The following SV2C variants were observed in gnomAD, a reference collection of about 807,000 sequenced individuals.
The protein encoded by SV2C is synaptic vesicle glycoprotein 2C, also known as solute carrier family 22 member B3.
Under a neutral mutation model 79.7 loss-of-function variants are expected in SV2C, and 49 were observed. The observed-to-expected ratio is 0.61, with a 90% CI of 0.49 to 0.78. The LOEUF is 0.78. SV2C is among the 30% of genes least tolerant of loss of function. The pLI is 0.00. For synonymous variants in SV2C, 334 were observed against 333.2 expected, an observed-to-expected ratio of 1.00 and a Z score of -0.03; for missense variants, 833 against 912.9, an observed-to-expected ratio of 0.91 and a Z score of 1.13.
the SV2C span, among the ~76,000 whole-genome samples, chr5:75,882,901 G>T: frequency 6.6e-6 from 1 of 151,764 alleles, no homozygotes; most frequent in Non-Finnish European, 1.5e-5. Flanking sequence ...GAGTAAAGAG[G>T]CAACCTACAA....
At chr5:76,191,512 A>G (rs182886665) in intron 2 of SV2C, among the ~76,000 whole-genome samples, 1 of 152,316 alleles carries the variant, frequency 6.6e-6, no homozygotes, top group Admixed American at 6.5e-5. Context: ...ATCATTTCCT[A>G]AAGTTGTTCT....
At chr5:76,110,979 A>AT (rs1283362918) in intron 1 of SV2C, among the ~76,000 whole-genome samples, 1 of 150,698 alleles carries the variant, frequency 6.6e-6, no homozygotes, top group Non-Finnish European at 1.5e-5. Context: ...CATCTCAATT[A>AT]TTTTTTCTAC....
chr5:75,877,169 C>G, the SV2C span, among the ~76,000 whole-genome samples: 1 of 151,892 alleles, frequency 6.6e-6, no homozygotes, highest in African/African-American at 2.4e-5. Flanking sequence ...ACAAAATAGA[C>G]TTTTAAAACC....
intron 4 of SV2C, among the ~76,000 whole-genome samples, chr5:76,269,288 A>G (rs1434801774): frequency 6.6e-6 from 1 of 152,234 alleles, no homozygotes; most frequent in Non-Finnish European, 1.5e-5. Flanking sequence ...TCAGATGTAT[A>G]AAATAAAAAT....
intron 4 of SV2C, chr5:76,280,888 C>G (rs1747165018): frequency 4.2e-6 from 2 of 478,696 alleles, no homozygotes; most frequent in Non-Finnish European, 8.3e-6. Flanking sequence ...CCAAGTTCAG[C>G]CGACAAGTGA....
In SV2C at chr5:76,242,761, G is replaced by A. The variant is rs117881885; in HGVS notation, c.913+32874G>A. On this transcript the variant is annotated intron_variant, in intron 4 of 12. Transcript: ENST00000502798. Reference sequence around the variant, plus strand: ...AGAAAACGAAGATGATGCCAGGTGTGGTAGCTCACGCCTGTAATCTCAGCA... The same window carrying A: ...AGAAAACGAAGATGATGCCAGGTGTAGTAGCTCACGCCTGTAATCTCAGCA... Among the ~76,000 whole-genome samples the A allele has an allele frequency of 2.1e-3, 319 of 152,028 alleles. 13 individuals are homozygous for A. In the East Asian group the frequency reaches 0.061, roughly 29 times the overall value.
the SV2C span, among the ~76,000 whole-genome samples, chr5:76,014,788 AC>A: frequency 6.6e-6 from 1 of 152,208 alleles, no homozygotes; most frequent in Non-Finnish European, 1.5e-5. Context: ...ATAATTATAC[AC>A]ACTCCAAAGT....
the SV2C span, among the ~76,000 whole-genome samples, chr5:75,897,294 T>G: frequency 7.3e-5 from 11 of 151,708 alleles, no homozygotes; most frequent in Admixed American, 3.3e-4. Flanking sequence ...ATGGCTAGCC[T>G]GTTTTCCCAG....
At chr5:76,069,878 C>CACT in the SV2C span, among the ~76,000 whole-genome samples, 3,612 of 151,208 alleles carry the variant, frequency 0.024, 112 homozygotes, top group African/African-American at 0.076. Context: ...ACACACACAC[C>CACT]CTTTCGTGGC....
chr5:76,352,384 T>G (rs1303574836), intron 12 of SV2C, among the ~76,000 whole-genome samples: 2 of 152,232 alleles, frequency 1.3e-5, no homozygotes, highest in Non-Finnish European at 2.9e-5. Flanking sequence ...TCAACACTGT[T>G]GAGAGGTGGG....
intron 4 of SV2C, among the ~76,000 whole-genome samples, chr5:76,263,924 C>T (rs1746562892): frequency 6.6e-6 from 1 of 152,106 alleles, no homozygotes; most frequent in African/African-American, 2.4e-5. Flanking sequence ...GGTTGCTCTT[C>T]TCAGGGAGTA....
chr5:75,915,338 G>C, the SV2C span, among the ~76,000 whole-genome samples: 1 of 152,298 alleles, frequency 6.6e-6, no homozygotes, highest in South Asian at 2.1e-4. Context: ...AGCAATAAAT[G>C]CCAATAAATG....
chr5:76,099,500 C>T (rs989126691), intron 1 of SV2C, among the ~76,000 whole-genome samples: 2 of 151,986 alleles, frequency 1.3e-5, no homozygotes, highest in Non-Finnish European at 2.9e-5. Flanking sequence ...TCACACTGTA[C>T]TTTTCTGCTT....
chr5:76,058,106 TG>T, the SV2C span, among the ~76,000 whole-genome samples: 1 of 152,160 alleles, frequency 6.6e-6, no homozygotes, highest in South Asian at 2.1e-4. Context: ...AAATCTACTT[TG>T]AGCTGTGTCT....
upstream of SV2C, chr5:76,079,129 C>T: frequency 3.0e-6 from 1 of 336,914 alleles, no homozygotes; most frequent in South Asian, 3.1e-5. Flanking sequence ...TACAATTCTA[C>T]ACTAGAAGCA....
chr5:76,132,146 A>G lies in SV2C; in HGVS notation c.396A>G (p.Glu132=), dbSNP rs2112188137. 1.2e-6 allele frequency: 2 copies of G among 1,614,170 alleles called. No individual in the cohort carries two copies. Among genetic ancestry groups the G allele is most frequent in the East Asian group, 2.2e-5 (1 of 44,880 alleles). Residue 132 remains glutamate (E), a synonymous_variant, in exon 2 of 13, where the codon GAA becomes GAG. Transcript: ENST00000502798. Reference sequence around the variant, plus strand: ...AATCAGAAAGGAGAGCTGACGAGGAAGAGTTAGCCCAGCAGTATGAGCTGA... The same window carrying G: ...AATCAGAAAGGAGAGCTGACGAGGAGGAGTTAGCCCAGCAGTATGAGCTGA... ...ELESERRADE[E]ELAQQYELII...
intron 4 of SV2C, among the ~76,000 whole-genome samples, chr5:76,283,791 G>A (rs1747266026): frequency 6.6e-6 from 1 of 152,152 alleles, no homozygotes; most frequent in Non-Finnish European, 1.5e-5. Flanking sequence ...CAGCATTTAA[G>A]AATGAGTAAG....
chr5:76,162,618 A>G (rs1742930102), intron 2 of SV2C, among the ~76,000 whole-genome samples: 1 of 152,184 alleles, frequency 6.6e-6, no homozygotes, highest in African/African-American at 2.4e-5. Flanking sequence ...TTATCTCTGT[A>G]TTTTAGGCAG....
chr5:76,097,097 C>T (rs1034894118), intron 1 of SV2C, among the ~76,000 whole-genome samples: 7 of 152,144 alleles, frequency 4.6e-5, no homozygotes, highest in African/African-American at 1.7e-4. Flanking sequence ...GCCCACATTC[C>T]ATTGACCAAA....
Sources: gnomAD v4.1 joint callset for allele counts (sites outside exome capture counted in the v4.1 genomes callset) on GRCh38, gnomAD v4.1.1 for gene constraint, MANE v1.5 for transcripts, NCBI Gene and HGNC (gene_info 2026-07-23, HGNC 2026-07-21) for gene names.